Variants in PLCG2 observed in about 807,000 individuals in gnomAD.
PLCG2 encodes the protein 1-phosphatidylinositol 4,5-bisphosphate phosphodiesterase gamma-2.
A neutral mutation model predicts 175.6 loss-of-function variants in PLCG2; 69 were observed. The ratio of observed to expected loss-of-function variants is 0.39; its 90% CI spans 0.32 to 0.48. The LOEUF (loss-of-function observed/expected upper bound fraction) is 0.48, where lower values mean the gene tolerates loss of function less well. Among genes scored for constraint, PLCG2 ranks in the 20% least tolerant of loss-of-function variants. The probability of loss-of-function intolerance (pLI) is 0.91; values close to 1 mark genes in which losing one functional copy is unlikely to be tolerated. For synonymous variants in PLCG2, 827 were observed against 624.0 expected (o/e 1.33, Z -4.85); for missense variants, 1,798 against 1,650.9 (o/e 1.09, Z -1.54).
At chr16:81,929,797 G>A (rs971261364) in intron 24 of PLCG2, among the ~76,000 whole-genome samples, 4 of 152,234 alleles carry the variant, frequency 2.6e-5, no homozygotes, top group Non-Finnish European at 5.9e-5. Context: ...GAAAATCAAG[G>A]TCCTAAGTGA....
At chr16:81,789,554 G>C (rs1911133565) in intron 2 of PLCG2, among the ~76,000 whole-genome samples, 1 of 152,192 alleles carries the variant, frequency 6.6e-6, no homozygotes, top group South Asian at 2.1e-4. Flanking sequence ...CTCCGAAAGT[G>C]CTGGGATTAC....
chr16:81,868,098 G>A (rs1295220724), intron 5 of PLCG2, among the ~76,000 whole-genome samples: 3 of 152,326 alleles, frequency 2.0e-5, no homozygotes, highest in South Asian at 4.1e-4. Flanking sequence ...TCAAATCCAG[G>A]CTCTGCTGCC....
chr16:81,891,283 T>C (rs1452212454), intron 10 of PLCG2, among the ~76,000 whole-genome samples, 189 bp from the exon 11 acceptor site: 1 of 152,122 alleles, frequency 6.6e-6, no homozygotes, highest in Admixed American at 6.5e-5. Context: ...ATGGAACAAA[T>C]ATGTCGCTGC....
chr16:81,933,093 C>T (rs543862502), intron 25 of PLCG2, among the ~76,000 whole-genome samples: 5 of 152,354 alleles, frequency 3.3e-5, no homozygotes, highest in East Asian at 1.9e-4. Context: ...CCTCTCCTGC[C>T]GCGTGAAGGT....
intron 2 of PLCG2, among the ~76,000 whole-genome samples, chr16:81,812,258 C>G (rs1287859709): frequency 6.6e-6 from 1 of 151,962 alleles, no homozygotes; most frequent in East Asian, 1.9e-4. Flanking sequence ...ACCGTGTTAG[C>G]CAGGATGGTC....
chr16:81,833,369 C>CGGTCG (rs550824530), intron 2 of PLCG2, among the ~76,000 whole-genome samples: 136 of 152,110 alleles, frequency 8.9e-4, no homozygotes, highest in African/African-American at 3.0e-3. Flanking sequence ...ACTGTGGCTC[C>CGGTCG]GGTCGGTACA....
At chr16:81,763,469 C>T (rs1910081606) in intron 2 of PLCG2, among the ~76,000 whole-genome samples, 1 of 152,246 alleles carries the variant, frequency 6.6e-6, no homozygotes, top group Non-Finnish European at 1.5e-5. Flanking sequence ...TGTCCTCCCT[C>T]TCACGGCCTG....
At chr16:81,937,953 G>A (rs765585354) in intron 28 of PLCG2, 50 bp downstream of exon 28, 1 of 1,585,964 alleles carries the variant, frequency 6.3e-7, no homozygotes, top group African/African-American at 1.3e-5. Flanking sequence ...CCCTCCCTGG[G>A]GGCTGGGCCG....
intron 2 of PLCG2, among the ~76,000 whole-genome samples, chr16:81,809,543 C>A (rs1240376899): frequency 1.3e-5 from 2 of 152,190 alleles, no homozygotes; most frequent in Admixed American, 1.3e-4. Context: ...AAATAAACTC[C>A]TTGTATGTAC....
At chr16:81,805,935 C>A (rs1012919580) in intron 2 of PLCG2, among the ~76,000 whole-genome samples, 1 of 151,784 alleles carries the variant, frequency 6.6e-6, no homozygotes, top group Non-Finnish European at 1.5e-5. Context: ...CCACTGTACG[C>A]AGTCATGTGT....
At position 81,938,798 on chromosome 16, in the gene PLCG2, C is replaced by A; in HGVS notation, c.3199-3C>A. 6.3e-7 allele frequency: 1 copy of A among 1,595,300 alleles called. No homozygotes were observed. On this transcript the variant is annotated splice_polypyrimidine_tract_variant and splice_region_variant and intron_variant, in intron 28 of 32. Coordinates refer to ENST00000564138, the MANE Select transcript of PLCG2 (RefSeq NM_002661.5). ...GTTCCAATGCTTCCCTTTGGTGTCC[C>A]AGGTTCTCGGTGCTCGCCATCTCCC...
At chr16:81,762,263 A>C (rs777890441) in intron 2 of PLCG2, among the ~76,000 whole-genome samples, 53 of 152,254 alleles carry the variant, frequency 3.5e-4, no homozygotes, top group Admixed American at 1.2e-3. Context: ...TTTTTTTAAA[A>C]AGAAACTGTC....
At chr16:81,879,815 T>G (rs902108908) in intron 7 of PLCG2, among the ~76,000 whole-genome samples, 1 of 151,820 alleles carries the variant, frequency 6.6e-6, no homozygotes, top group African/African-American at 2.4e-5. Context: ...GAGGGAGGGG[T>G]GCTCCATGGC....
intron 27 of PLCG2, among the ~76,000 whole-genome samples, chr16:81,936,913 C>T (rs566005609): frequency 1.1e-4 from 17 of 152,228 alleles, no homozygotes; most frequent in African/African-American, 3.9e-4. Flanking sequence ...CAGAATGGAA[C>T]AATCATTTAT....
At chr16:81,925,216 G>A (rs2143696761) in intron 22 of PLCG2, among the ~76,000 whole-genome samples, 2 of 152,314 alleles carry the variant, frequency 1.3e-5, no homozygotes, top group Admixed American at 1.3e-4. Context: ...AGCGGCTGTG[G>A]TCAATTCCTC....
Position 81,891,477 on chromosome 16 carries a change from C to G in PLCG2, c.873C>G (p.Leu291=), listed in dbSNP as rs1266468161. ...AEPFLFVDEF[L]TYLFSRENSI... Reference sequence around the variant, plus strand: ...TTCGTGTTTGACTCTTTTAGTTCCTCACGTACCTGTTTTCACGAGAAAACA... The same window carrying G: ...TTCGTGTTTGACTCTTTTAGTTCCTGACGTACCTGTTTTCACGAGAAAACA... The change falls in exon 11 of 33, where the codon CTC becomes CTG. Residue 291 remains leucine, a synonymous_variant. Coordinates refer to ENST00000564138, the MANE Select transcript of PLCG2 (RefSeq NM_002661.5). 6.4e-7 allele frequency: 1 copy of G among 1,565,864 alleles called. No homozygotes were observed. Among genetic ancestry groups the G allele is most frequent in the South Asian group, 1.1e-5 (1 of 90,164 alleles).
At position 81,961,945 on chromosome 16, in the gene PLCG2, C is replaced by G. The variant is rs997649538; in HGVS notation, c.*3947C>G. On this transcript the variant is annotated 3_prime_UTR_variant, in exon 33 of 33. Transcript: ENST00000564138. Reference sequence around the variant, plus strand: ...CTGATCGGATGTGAGGGCGATCTGGCTGCGACATCTGTCACCCCATTGATC... The same window carrying G: ...CTGATCGGATGTGAGGGCGATCTGGGTGCGACATCTGTCACCCCATTGATC... The G allele has an allele frequency of 1.5e-5, 3 of 197,028 alleles. No individual in the cohort carries two copies. Among genetic ancestry groups the G allele is most frequent in the Non-Finnish European group, 3.2e-5 (3 of 94,368 alleles). 12.2% of individuals were successfully genotyped at this position (197,028 alleles called of 1,614,324 possible). A position where few individuals can be genotyped will look rare whatever the true frequency, so the allele number is the denominator to read the frequency against.
At chr16:81,792,811 A>T (rs1597321610) in intron 2 of PLCG2, among the ~76,000 whole-genome samples, 1 of 152,260 alleles carries the variant, frequency 6.6e-6, no homozygotes, top group Non-Finnish European at 1.5e-5. Context: ...ATGACACATG[A>T]GGATTATGGG....
chr16:81,816,087 A>G (rs929990608), intron 2 of PLCG2, among the ~76,000 whole-genome samples: 4 of 146,854 alleles, frequency 2.7e-5, no homozygotes, highest in Non-Finnish European at 6.0e-5. Context: ...ATGTGCCTTC[A>G]CGGACAGGCA....
Sources: gnomAD v4.1 joint callset for allele counts (sites outside exome capture counted in the v4.1 genomes callset) on GRCh38, gnomAD v4.1.1 for gene constraint, MANE v1.5 for transcripts, NCBI Gene and HGNC (gene_info 2026-07-23, HGNC 2026-07-21) for gene names.